IL1RAPL1: variants seen among roughly 807,000 people sequenced by gnomAD.
IL1RAPL1 encodes the protein interleukin 1 receptor accessory protein like 1.
A neutral mutation model predicts 48.4 loss-of-function variants in IL1RAPL1; 3 were observed. That is an observed-to-expected ratio of 0.06 (90% confidence interval 0.03 to 0.16). IL1RAPL1 has a LOEUF of 0.16. IL1RAPL1 is among the 10% of genes least tolerant of loss of function. The pLI, the probability that IL1RAPL1 is intolerant of heterozygous loss-of-function variation, is 1.00. For missense variants in IL1RAPL1, 349 were observed against 530.6 expected (o/e 0.66, Z 3.36); for synonymous variants, 185 against 187.7 (o/e 0.99, Z 0.12).
At chrX:28,622,556 A>G (rs1934296412) in intron 1 of IL1RAPL1, among the ~76,000 whole-genome samples, 1 of 112,145 alleles carries the variant, frequency 8.9e-6, no homozygotes, top group South Asian at 3.7e-4. Flanking sequence ...TCAGTGAGAG[A>G]AGTAATGCTG....
intron 3 of IL1RAPL1, among the ~76,000 whole-genome samples, chrX:29,322,428 G>A (rs1236215138): frequency 9.1e-6 from 1 of 110,493 alleles, no homozygotes; most frequent in Non-Finnish European, 1.9e-5. Context: ...CACCATGCCG[G>A]CTAATTTTGT....
intron 2 of IL1RAPL1, among the ~76,000 whole-genome samples, chrX:28,924,988 C>T (rs1002942419): frequency 3.6e-5 from 4 of 111,459 alleles, no homozygotes; most frequent in Non-Finnish European, 5.6e-5. Context: ...TCTGACTTTT[C>T]GTATACCACC....
intron 3 of IL1RAPL1, among the ~76,000 whole-genome samples, chrX:29,335,737 C>G (rs991185040): frequency 9.0e-6 from 1 of 111,503 alleles, no homozygotes; most frequent in African/African-American, 3.3e-5. Context: ...GACCTGAGGC[C>G]TTTGACCTCT....
chrX:29,230,528 A>AACAAAAAC, intron 2 of IL1RAPL1, among the ~76,000 whole-genome samples: 1 of 99,108 alleles, frequency 1.0e-5, no homozygotes, highest in East Asian at 3.0e-4. Flanking sequence ...AAAAAAAAAA[A>AACAAAAAC]AAAAAAACCT....
At chrX:29,790,499 T>C (rs910984600) in intron 6 of IL1RAPL1, among the ~76,000 whole-genome samples, 3 of 112,492 alleles carry the variant, frequency 2.7e-5, no homozygotes, top group African/African-American at 9.7e-5. Flanking sequence ...TATAATGATA[T>C]GCCTTTTTAG....
chrX:29,256,844 T>TG (rs1263640373), intron 2 of IL1RAPL1, among the ~76,000 whole-genome samples: 2 of 111,557 alleles, frequency 1.8e-5, no homozygotes, highest in East Asian at 5.6e-4. Flanking sequence ...CTCTATACAG[T>TG]GGGTACTTTT....
At chrX:28,923,280 G>A (rs891610407) in intron 2 of IL1RAPL1, among the ~76,000 whole-genome samples, 20 of 110,116 alleles carry the variant, frequency 1.8e-4, no homozygotes, top group Admixed American at 4.9e-4. Context: ...GGGTTCAAGC[G>A]ATTCTCCAGC....
At chrX:29,085,356 GAAGA>G (rs944408008) in intron 2 of IL1RAPL1, among the ~76,000 whole-genome samples, 9 of 111,100 alleles carry the variant, frequency 8.1e-5, no homozygotes, top group African/African-American at 2.3e-4. Context: ...AAAAAGAAAA[GAAGA>G]TAGAGGAGGA....
chrX:28,856,088 T>A (rs1183559592), intron 2 of IL1RAPL1, among the ~76,000 whole-genome samples: 1 of 112,004 alleles, frequency 8.9e-6, no homozygotes, highest in Non-Finnish European at 1.9e-5. Flanking sequence ...ATTGTTTATT[T>A]TAAATCTACC....
At chrX:29,333,825 G>T (rs1252401461) in intron 3 of IL1RAPL1, among the ~76,000 whole-genome samples, 1 of 80,634 alleles carries the variant, frequency 1.2e-5, no homozygotes, top group African/African-American at 4.7e-5. Context: ...CCTCCCGGAC[G>T]GGGCGGCTGG....
intron 6 of IL1RAPL1, among the ~76,000 whole-genome samples, chrX:29,705,661 A>G (rs1418655079): frequency 1.8e-5 from 2 of 112,224 alleles, no homozygotes; most frequent in Admixed American, 9.4e-5. Flanking sequence ...ACGGTGGAGC[A>G]TACACTGAGA....
Position 28,964,002 on chromosome X carries a change from C to T in IL1RAPL1, c.82+174577C>T, listed in dbSNP as rs1452460589. ...CATAAATTATACTCTATATTGTTTT[C>T]TGTGCTTCGTAATTGTGACTTAATC... is the stretch of plus-strand genomic sequence containing the variant. On this transcript the variant is annotated intron_variant, in intron 2 of 10. Coordinates refer to ENST00000378993, the MANE Select transcript of IL1RAPL1 (RefSeq NM_014271.4). 8.1e-5 allele frequency among the ~76,000 whole-genome samples: 9 copies of T among 111,284 alleles called. No individual in the cohort carries two copies. The East Asian group carries it at 8.5e-4, about 10-fold the overall frequency.
In IL1RAPL1 at chrX:29,081,020, C is replaced by CTCTCTTTCTTTTCTTTTCTTTTCT. The variant is rs1555960745; in HGVS notation, c.83-201917_83-201916insCTCTTTCTTTTCTTTTCTTTTCTT. ...TCTCTCTCTCTCTCTCTCTCTCTCT[C>CTCTCTTTCTTTTCTTTTCTTTTCT]TTTCTTTTCTTTTCTTTTCTTTTCT... On this transcript the variant is annotated intron_variant, in intron 2 of 10. Transcript: ENST00000378993. Among the ~76,000 whole-genome samples the CTCTCTTTCTTTTCTTTTCTTTTCT allele has an allele frequency of 2.4e-4, 10 of 41,911 alleles. 1 individual carries two copies. Among genetic ancestry groups the CTCTCTTTCTTTTCTTTTCTTTTCT allele is most frequent in the East Asian group, 9.1e-4 (1 of 1,099 alleles). The allele number at this position is 41,911 out of a possible 115,157, so 36.4% of individuals were successfully genotyped here.
chrX:29,448,582 G>A (rs1337201181), intron 5 of IL1RAPL1, among the ~76,000 whole-genome samples: 1 of 112,199 alleles, frequency 8.9e-6, no homozygotes. Flanking sequence ...GTAAAAGAAA[G>A]AAAATACGCA....
intron 5 of IL1RAPL1, among the ~76,000 whole-genome samples, chrX:29,571,224 A>AAAT (rs35767422): frequency 0.091 from 9,962 of 109,567 alleles, 841 homozygotes; most frequent in African/African-American, 0.25. Flanking sequence ...CTCCGTCTCA[A>AAAT]AATAATAATA....
intron 5 of IL1RAPL1, among the ~76,000 whole-genome samples, chrX:29,455,170 C>A (rs112008609): frequency 0.096 from 10,634 of 111,035 alleles, 819 homozygotes; most frequent in African/African-American, 0.26. Context: ...CCATGGCACA[C>A]GTTTACCTAT....
chrX:29,637,548 T>C (rs1375455312), intron 5 of IL1RAPL1, among the ~76,000 whole-genome samples: 1 of 111,678 alleles, frequency 9.0e-6, no homozygotes, highest in Non-Finnish European at 1.9e-5. Flanking sequence ...TTTTAAATTT[T>C]TTTGTATAGT....
At chrX:29,216,438 A>G (rs752724848) in intron 2 of IL1RAPL1, among the ~76,000 whole-genome samples, 3 of 110,712 alleles carry the variant, frequency 2.7e-5, no homozygotes, top group African/African-American at 9.9e-5. Flanking sequence ...CGAGCGATCC[A>G]TTTGCCTTGG....
intron 5 of IL1RAPL1, among the ~76,000 whole-genome samples, chrX:29,601,154 A>G (rs1369067982): frequency 1.8e-5 from 2 of 112,282 alleles, no homozygotes; most frequent in Non-Finnish European, 3.8e-5. Context: ...AGATTTACTA[A>G]TCACCTAAAC....
Sources: gnomAD v4.1 joint callset for allele counts (sites outside exome capture counted in the v4.1 genomes callset) on GRCh38, gnomAD v4.1.1 for gene constraint, MANE v1.5 for transcripts, NCBI Gene and HGNC (gene_info 2026-07-23, HGNC 2026-07-21) for gene names.